Variants in SREK1IP1 observed in about 807,000 individuals in gnomAD.
SREK1IP1 encodes SREK1 interacting protein 1.
Under a neutral mutation model 22.8 loss-of-function variants are expected in SREK1IP1, and 12 were observed. The ratio of observed to expected loss-of-function variants is 0.53; its 90% CI spans 0.34 to 0.85. The LOEUF (loss-of-function observed/expected upper bound fraction) is 0.85. Among genes scored for constraint, SREK1IP1 ranks in the 40% least tolerant of loss-of-function variants. The pLI is 0.02. For missense variants in SREK1IP1, 147 were observed against 171.8 expected, an observed-to-expected ratio of 0.86 and a Z score of 0.81; for synonymous variants, 53 against 52.7, an observed-to-expected ratio of 1.01 and a Z score of -0.02.
rs1160156837 is a variant in SREK1IP1, at chr5:64,722,254, C to T, written c.*2130G>A. On this transcript the variant is annotated 3_prime_UTR_variant, in exon 5 of 5. Coordinates refer to ENST00000513458, the MANE Select transcript of SREK1IP1 (RefSeq NM_173829.4). ...TTAAAATATTTTAATTTGCATACTA[C>T]ATTAGTTAACGAGGACTGACTTTTG... 1 of 152,082 alleles carries T rather than the reference C, an allele frequency of 6.6e-6. No individual in the cohort carries two copies. Among genetic ancestry groups the T allele is most frequent in the Non-Finnish European group, 1.5e-5 (1 of 67,994 alleles). 9.4% of individuals were successfully genotyped at this position (152,082 alleles called of 1,614,324 possible). A position where few individuals can be genotyped will look rare whatever the true frequency, so the allele number is the denominator to read the frequency against.
intron 3 of SREK1IP1, among the ~76,000 whole-genome samples, chr5:64,731,521 CAAA>C (rs10599290): frequency 5.0e-4 from 37 of 74,634 alleles, no homozygotes; most frequent in African/African-American, 8.9e-4. Flanking sequence ...GCCCTTGTCT[CAAA>C]AAAAAAAAAA....
chr5:64,740,081 G>T lies in SREK1IP1; in HGVS notation c.205+976C>A, dbSNP rs557856047. Among the ~76,000 whole-genome samples, 17 of 152,086 alleles carry T rather than the reference G, an allele frequency of 1.1e-4. 1 individual carries two copies. The East Asian group carries it at 3.3e-3, about 29-fold the overall frequency. The stretch of plus-strand genomic sequence containing the variant: ...AAAGTAGTTTAATTTATGGCATCAC[G>T]TTTAATCCCTAAAAACCCCACTGCA... On this transcript the variant is annotated intron_variant, in intron 3 of 4. Transcript: ENST00000513458.
rs779395867 is a variant in SREK1IP1, at chr5:64,739,836, TG to T, written c.205+1220del. Among the ~76,000 whole-genome samples, 137 of 152,202 alleles carry T rather than the reference TG, an allele frequency of 9.0e-4. 1 individual carries two copies. The highest frequency in any genetic ancestry group is 1.1e-3 in the Non-Finnish European group (73 of 67,974). On this transcript the variant is annotated intron_variant, in intron 3 of 4. Coordinates refer to ENST00000513458, the MANE Select transcript of SREK1IP1 (RefSeq NM_173829.4). ...CTCTCCCTCTTTTTCCTTTTCAGCTTGTTCTAGCACCTTACATTTGACTTCT... is the reference window on the plus strand; with the variant it reads ...CTCTCCCTCTTTTTCCTTTTCAGCTTTTCTAGCACCTTACATTTGACTTCT...
intron 3 of SREK1IP1, among the ~76,000 whole-genome samples, chr5:64,738,937 C>T (rs1392286345): frequency 6.6e-6 from 1 of 152,150 alleles, no homozygotes; most frequent in Admixed American, 6.5e-5. Context: ...AATGTGAAGG[C>T]ATTCCCCACA....
At position 64,720,323 on chromosome 5, in the gene SREK1IP1, T is replaced by C. The variant is rs1386352148; in HGVS notation, c.*4061A>G. 1 of 150,396 alleles carries C rather than the reference T, an allele frequency of 6.6e-6. No homozygotes were observed. Among genetic ancestry groups the C allele is most frequent in the East Asian group, 1.9e-4 (1 of 5,202 alleles). The allele number at this position is 150,396 out of a possible 1,614,324, so 9.3% of individuals were successfully genotyped here. A position where few individuals can be genotyped will look rare whatever the true frequency, so the allele number is the denominator to read the frequency against. On this transcript the variant is annotated 3_prime_UTR_variant, in exon 5 of 5. Coordinates refer to ENST00000513458, the MANE Select transcript of SREK1IP1 (RefSeq NM_173829.4). ...TTTTTAGATGATTTAGGTTACTGTG[T>C]AATTTTTGGAAATAATAATGAGACT...
chr5:64,724,374 A>T lies in SREK1IP1; in HGVS notation c.*10T>A, dbSNP rs762871185. On this transcript the variant is annotated 3_prime_UTR_variant, in exon 5 of 5. Transcript: ENST00000513458. ...ATTTTTAAATTTAACGGCTTAAGCC[A>T]AAGTCTCAGTTACTTTCTGGAGAAT... 6.6e-7 allele frequency: 1 copy of T among 1,520,822 alleles called. No homozygotes were observed. The highest frequency in any genetic ancestry group is 8.8e-7 in the Non-Finnish European group (1 of 1,140,370). 94.2% of individuals were successfully genotyped at this position (1,520,822 alleles called of 1,614,324 possible). A position where few individuals can be genotyped will look rare whatever the true frequency, so the allele number is the denominator to read the frequency against.
chr5:64,748,788 C>G (rs1742687110), intron 2 of SREK1IP1, among the ~76,000 whole-genome samples: 1 of 152,148 alleles, frequency 6.6e-6, no homozygotes, highest in Admixed American at 6.5e-5. Flanking sequence ...AAGCAATTTG[C>G]CTAATGTCAC....
intron 1 of SREK1IP1, among the ~76,000 whole-genome samples, chr5:64,765,577 G>A (rs1229653491): frequency 3.9e-5 from 6 of 152,082 alleles, no homozygotes. Flanking sequence ...ATTTTCTAAT[G>A]ACACTTGCAT....
chr5:64,737,002 A>C (rs988041414), intron 3 of SREK1IP1, among the ~76,000 whole-genome samples: 2 of 152,100 alleles, frequency 1.3e-5, no homozygotes, highest in South Asian at 2.1e-4. Flanking sequence ...TAAGGAAATA[A>C]AACAGTAGCT....
In SREK1IP1 at chr5:64,724,318, C is replaced by T; in HGVS notation, c.*66G>A. 1 of 1,389,758 alleles carries T rather than the reference C, an allele frequency of 7.2e-7. No individual in the cohort carries two copies. Among genetic ancestry groups the T allele is most frequent in the East Asian group, 2.3e-5 (1 of 42,890 alleles). 86.1% of individuals were successfully genotyped at this position (1,389,758 alleles called of 1,614,324 possible). A position where few individuals can be genotyped will look rare whatever the true frequency, so the allele number is the denominator to read the frequency against. On this transcript the variant is annotated 3_prime_UTR_variant, in exon 5 of 5. Coordinates refer to ENST00000513458, the MANE Select transcript of SREK1IP1 (RefSeq NM_173829.4). ...TGCAAAGCATAATATATAGCAAATT[C>T]CAAGGAAGGGCAAACACGTTTTAAA... is the stretch of plus-strand genomic sequence containing the variant.
intron 1 of SREK1IP1, among the ~76,000 whole-genome samples, chr5:64,765,697 A>G (rs890698685): frequency 6.6e-6 from 1 of 152,224 alleles, no homozygotes; most frequent in African/African-American, 2.4e-5. Flanking sequence ...TATACTTTGA[A>G]GCACTATTTT....
At position 64,767,015 on chromosome 5, in the gene SREK1IP1, C is replaced by T. The variant is rs570209687; in HGVS notation, c.13+1490G>A. ...ATCTTTCATTCTGACATATTTGACACATAAATATTAGTCAATATTAGCTAC... is the reference window on the plus strand; with the variant it reads ...ATCTTTCATTCTGACATATTTGACATATAAATATTAGTCAATATTAGCTAC... On this transcript the variant is annotated intron_variant, in intron 1 of 4. Coordinates refer to ENST00000513458, the MANE Select transcript of SREK1IP1 (RefSeq NM_173829.4). Among the ~76,000 whole-genome samples the T allele has an allele frequency of 1.8e-4, 28 of 152,328 alleles. No individual in the cohort carries two copies. The South Asian group carries it at 3.7e-3, about 20-fold the overall frequency.
At chr5:64,751,768 A>G (rs1278459933) in intron 2 of SREK1IP1, among the ~76,000 whole-genome samples, 1 of 152,218 alleles carries the variant, frequency 6.6e-6, no homozygotes, top group Non-Finnish European at 1.5e-5. Flanking sequence ...CTTCTTGCCT[A>G]CCTTTGAAGA....
At chr5:64,728,790 C>T (rs1195450923) in intron 3 of SREK1IP1, among the ~76,000 whole-genome samples, 1 of 152,000 alleles carries the variant, frequency 6.6e-6, no homozygotes, top group African/African-American at 2.4e-5. Flanking sequence ...CAGAAGTGTT[C>T]CCATTAACCA....
intron 2 of SREK1IP1, 69 bp downstream of exon 2, chr5:64,754,246 T>C: frequency 6.8e-7 from 1 of 1,479,430 alleles, no homozygotes; most frequent in Non-Finnish European, 9.4e-7. Context: ...GGTGCTACAT[T>C]ATATTGCCCA....
intron 3 of SREK1IP1, among the ~76,000 whole-genome samples, chr5:64,739,480 C>T (rs1244834809): frequency 5.9e-5 from 9 of 151,998 alleles, no homozygotes; most frequent in Non-Finnish European, 1.0e-4. Flanking sequence ...GCCAGAGGTA[C>T]CCAAGGATAC....
intron 2 of SREK1IP1, among the ~76,000 whole-genome samples, chr5:64,743,652 C>A (rs1371267267): frequency 6.6e-6 from 1 of 151,994 alleles, no homozygotes; most frequent in African/African-American, 2.4e-5. Context: ...TGGGCATGCA[C>A]CAGGTTTTCT....
intron 3 of SREK1IP1, among the ~76,000 whole-genome samples, chr5:64,734,939 A>T (rs1465544184): frequency 1.3e-5 from 2 of 152,110 alleles, no homozygotes; most frequent in Non-Finnish European, 2.9e-5. Context: ...AATCTCCAGC[A>T]GAATGTTGAG....
At chr5:64,752,994 G>A (rs768950674) in intron 2 of SREK1IP1, among the ~76,000 whole-genome samples, 3 of 152,106 alleles carry the variant, frequency 2.0e-5, no homozygotes, top group East Asian at 1.9e-4. Flanking sequence ...AACTAAATAC[G>A]GAAATATTGA....
Sources: allele counts gnomAD v4.1 joint callset (sites outside exome capture counted in the v4.1 genomes callset), GRCh38; gene constraint gnomAD v4.1.1; transcripts MANE v1.5; gene names NCBI Gene and HGNC (gene_info 2026-07-23, HGNC 2026-07-21).